CDKL1: variants seen among roughly 807,000 people sequenced by gnomAD.
The protein encoded by CDKL1 is cyclin dependent kinase like 1.
CDKL1 carries 41 observed loss-of-function variants against 42.0 expected under a neutral mutation model. The ratio of observed to expected loss-of-function variants is 0.98; its 90% CI spans 0.76 to 1.27. The LOEUF (loss-of-function observed/expected upper bound fraction) is 1.27. CDKL1 is among the 50% of genes most tolerant of loss of function. The pLI is 0.00. For missense variants in CDKL1, 394 were observed against 428.4 expected, an observed-to-expected ratio of 0.92 and a Z score of 0.71; for synonymous variants, 153 against 158.6, an observed-to-expected ratio of 0.96 and a Z score of 0.26.
At chr14:50,364,400 C>T (rs914542409) in intron 2 of CDKL1, among the ~76,000 whole-genome samples, 1 of 152,192 alleles carries the variant, frequency 6.6e-6, no homozygotes, top group Non-Finnish European at 1.5e-5. Context: ...ACCCAGGAGG[C>T]AGAGGTTGCA....
At chr14:50,351,344 G>A (rs1595299338) in intron 3 of CDKL1, among the ~76,000 whole-genome samples, 1 of 151,662 alleles carries the variant, frequency 6.6e-6, no homozygotes, top group Non-Finnish European at 1.5e-5. Context: ...GGAAAAGGAG[G>A]TTTAAAGGCC....
At chr14:50,333,886 A>C (rs957019630) in intron 8 of CDKL1, 1 of 146,934 alleles carries the variant, frequency 6.8e-6, no homozygotes, top group Non-Finnish European at 1.5e-5. Context: ...TATATTTCTA[A>C]ATATATATAT....
chr14:50,355,358 C>G (rs1478876286), intron 3 of CDKL1, among the ~76,000 whole-genome samples: 1 of 152,060 alleles, frequency 6.6e-6, no homozygotes, highest in African/African-American at 2.4e-5. Flanking sequence ...TAAGATAATG[C>G]CTCTAAGACT....
intron 2 of CDKL1, among the ~76,000 whole-genome samples, chr14:50,383,924 C>T (rs956034505): frequency 9.9e-5 from 15 of 152,058 alleles, no homozygotes; most frequent in South Asian, 2.1e-4. Flanking sequence ...ACTACACAGC[C>T]GGAATATAAT....
intron 3 of CDKL1, among the ~76,000 whole-genome samples, chr14:50,355,574 A>G (rs772508062): frequency 1.3e-5 from 2 of 152,258 alleles, no homozygotes; most frequent in Non-Finnish European, 2.9e-5. Context: ...CAGTCATTCT[A>G]CAAGTACTGA....
intron 3 of CDKL1, 78 bp from the exon 4 acceptor site, chr14:50,345,136 A>T: frequency 7.5e-7 from 1 of 1,330,006 alleles, no homozygotes; most frequent in Non-Finnish European, 1.1e-6. Flanking sequence ...AAAATAAACG[A>T]AGATAGGCTT....
intron 7 of CDKL1, among the ~76,000 whole-genome samples, chr14:50,335,126 T>C (rs369387381): frequency 6.9e-6 from 1 of 144,416 alleles, no homozygotes; most frequent in Non-Finnish European, 1.5e-5. Context: ...TGTCTGTCTC[T>C]CTAAAAAAAA....
intron 7 of CDKL1, chr14:50,335,457 A>G (rs1372998681): frequency 1.3e-6 from 2 of 1,535,576 alleles, no homozygotes; most frequent in Non-Finnish European, 1.7e-6. Flanking sequence ...TTCCCTTCTC[A>G]GCCTGCTGTT....
chr14:50,396,903 C>G (rs1171655731), upstream of CDKL1: 1 of 255,944 alleles, frequency 3.9e-6, no homozygotes, highest in African/African-American at 2.4e-5. Context: ...GCTCGGCCCG[C>G]GATCCCTATG....
chr14:50,364,729 G>A (rs2034390515), intron 2 of CDKL1, among the ~76,000 whole-genome samples: 1 of 152,164 alleles, frequency 6.6e-6, no homozygotes, highest in Middle Eastern at 3.4e-3. Context: ...AACAGGGTCA[G>A]GTAAATATTA....
chr14:50,347,613 A>G (rs781376097), intron 3 of CDKL1, among the ~76,000 whole-genome samples: 2 of 152,206 alleles, frequency 1.3e-5, no homozygotes, highest in African/African-American at 2.4e-5. Context: ...ACTCAGGAGA[A>G]CACTGGAGGG....
intron 2 of CDKL1, among the ~76,000 whole-genome samples, chr14:50,387,287 C>T (rs950426945): frequency 3.3e-5 from 5 of 151,720 alleles, no homozygotes; most frequent in East Asian, 3.9e-4. Context: ...TTTGGGAGGC[C>T]GAGGCAGGTG....
intron 2 of CDKL1, among the ~76,000 whole-genome samples, chr14:50,360,321 C>CTT (rs2034198361): frequency 6.6e-6 from 1 of 152,186 alleles, no homozygotes; most frequent in African/African-American, 2.4e-5. Flanking sequence ...ACTCTTTTCA[C>CTT]TTGCAAAACT....
chr14:50,332,758 G>T (rs1352401571), intron 8 of CDKL1: 1 of 1,176,804 alleles, frequency 8.5e-7, no homozygotes, highest in Non-Finnish European at 1.2e-6. Flanking sequence ...CATTTAGCCA[G>T]TTTGGTCCCT....
chr14:50,397,068 G>GTCC (rs1043260721), upstream of CDKL1: 4 of 1,335,210 alleles, frequency 3.0e-6, no homozygotes, highest in African/African-American at 6.0e-5. Context: ...CGCGGGCCGA[G>GTCC]TCCTGCTGCC....
At chr14:50,368,969 C>T (rs982334225) in intron 2 of CDKL1, among the ~76,000 whole-genome samples, 4 of 151,072 alleles carry the variant, frequency 2.6e-5, no homozygotes, top group African/African-American at 9.8e-5. Context: ...AGGGCTCAAG[C>T]GATTCTCATG....
chr14:50,338,506 T>C (rs1208628497), intron 7 of CDKL1, among the ~76,000 whole-genome samples: 2 of 152,158 alleles, frequency 1.3e-5, no homozygotes, highest in African/African-American at 4.8e-5. Flanking sequence ...AGTACCAGGA[T>C]TATAGCGTGA....
Position 50,327,459 on chromosome 14 carries a change from C to CTTTTTTT in CDKL1, c.*2608_*2614dup, listed in dbSNP as rs555068519. On this transcript the variant is annotated 3_prime_UTR_variant, in exon 10 of 10. Coordinates refer to ENST00000395834, the MANE Select transcript of CDKL1 (RefSeq NM_004196.7). ...TAGATTTCTGTGTGTTTGATTTGAA[C>CTTTTTTT]TTTTTTTTTTTTTTTTTTTTTTTTG... 1 of 77,336 alleles carries CTTTTTTT rather than the reference C, an allele frequency of 1.3e-5. No homozygotes were observed. The allele number at this position is 77,336 out of a possible 1,614,324, so 4.8% of individuals were successfully genotyped here.
intron 3 of CDKL1, among the ~76,000 whole-genome samples, chr14:50,347,064 C>A (rs1227935736): frequency 6.6e-6 from 1 of 152,152 alleles, no homozygotes; most frequent in Non-Finnish European, 1.5e-5. Context: ...AGTTGCATAT[C>A]ATTATTGCTC....
Sources: allele counts gnomAD v4.1 joint callset (sites outside exome capture counted in the v4.1 genomes callset), GRCh38; gene constraint gnomAD v4.1.1; transcripts MANE v1.5; gene names NCBI Gene and HGNC (gene_info 2026-07-23, HGNC 2026-07-21).